The following HFM1 variants were observed in gnomAD, a reference collection of about 807,000 sequenced individuals.
HFM1 encodes probable ATP-dependent DNA helicase HFM1.
A neutral mutation model predicts 192.1 loss-of-function variants in HFM1; 169 were observed. The observed-to-expected ratio is 0.88, with a 90% CI of 0.78 to 1.00. The LOEUF is 1.00. HFM1 is among the 50% of genes least tolerant of loss of function. HFM1 has a pLI of 0.00. For synonymous variants in HFM1, 525 were observed against 537.8 expected (o/e 0.98, Z 0.33); for missense variants, 1,661 against 1,668.0 (o/e 1.00, Z 0.07).
chr1:91,405,212 G>C (rs571027117), upstream of HFM1, among the ~76,000 whole-genome samples: 1 of 152,274 alleles, frequency 6.6e-6, no homozygotes, highest in South Asian at 2.1e-4. Flanking sequence ...TGGCACTCAT[G>C]AGGTCGGTAT....
At chr1:91,324,877 A>C (rs1652654762) in intron 20 of HFM1, 111 bp from the exon 21 acceptor site, 3 of 690,254 alleles carry the variant, frequency 4.3e-6, no homozygotes, top group Admixed American at 2.6e-5. Context: ...GTAGAACAGA[A>C]GCCTAGACCA....
At chr1:91,277,613 C>CTAATATATATAATATATACTATATATAA (rs1666969029) in intron 30 of HFM1, among the ~76,000 whole-genome samples, 1 of 51,428 alleles carries the variant, frequency 1.9e-5, no homozygotes, top group African/African-American at 1.2e-4. Flanking sequence ...TATATATATA[C>CTAATATATATAATATATACTATATATAA]TATATACTAA....
intron 25 of HFM1, among the ~76,000 whole-genome samples, chr1:91,318,654 A>T (rs947801961): frequency 2.0e-5 from 3 of 152,196 alleles, no homozygotes; most frequent in Non-Finnish European, 4.4e-5. Context: ...ACAAAAAAAA[A>T]ATTAAGACAT....
rs545741813 is a variant in HFM1, at chr1:91,316,633, T to C, written c.2813-157A>G. On this transcript the variant is annotated intron_variant, in intron 25 of 38. Transcript: ENST00000370425. ...TTGTAAAAAGTTTTCAGTTGGATTA[T>C]TGGGTTTGTGACATTATTCAATTAT... is the stretch of plus-strand genomic sequence containing the variant. Among the ~76,000 whole-genome samples the C allele has an allele frequency of 2.0e-4, 30 of 152,266 alleles. No individual in the cohort carries two copies. The East Asian group carries it at 3.5e-3, about 18-fold the overall frequency.
rs1381126369 is a variant in HFM1, at chr1:91,394,332, T to C, written c.255A>G (p.Ser85=). Reference sequence around the variant, plus strand: ...AGGCAAACTGGAATTTTTGTGTTAGTGAAATATAATTTGTATCTTCATTAG... The same window carrying C: ...AGGCAAACTGGAATTTTTGTGTTAGCGAAATATAATTTGTATCTTCATTAG... ...KITNEDTNYI[S]LTQKFQFAFP... Residue 85 remains serine, a synonymous_variant, in exon 4 of 39, where the codon TCA becomes TCG. Transcript: ENST00000370425. The C allele has an allele frequency of 1.3e-6, 2 of 1,582,326 alleles. No individual in the cohort carries two copies. Among genetic ancestry groups the C allele is most frequent in the South Asian group, 2.2e-5 (2 of 90,006 alleles).
chr1:91,288,075 T>C (rs1395937007), intron 30 of HFM1, among the ~76,000 whole-genome samples: 8 of 151,594 alleles, frequency 5.3e-5, no homozygotes, highest in Non-Finnish European at 1.2e-4. Context: ...TGGAACCAAG[T>C]TGGAAAACAC....
chr1:91,262,908 T>G (rs1402361954), intron 36 of HFM1, among the ~76,000 whole-genome samples: 1 of 152,202 alleles, frequency 6.6e-6, no homozygotes, highest in East Asian at 1.9e-4. Context: ...TTTTCTAAAT[T>G]CCACTTGCTT....
chr1:91,350,852 C>A lies in HFM1; in HGVS notation c.2092G>T (p.Glu698Ter), dbSNP rs1242258064. ...AGTACTATCTCTGCATTTAAATGTT[C>A]AATAAGATGTCTGTGCAAACTAATG... ...VESSLHRHLI[E>*]HLNAEIVLHT... is the part of the protein sequence containing the mutation. The change falls in exon 18 of 39, where the codon GAA becomes TAA. Residue 698 changes from glutamate (E) to a stop codon, truncating the protein, a stop_gained. Transcript: ENST00000370425. LOFTEE classifies it high-confidence loss of function. 1.9e-6 allele frequency: 3 copies of A among 1,585,300 alleles called. No homozygotes were observed. The South Asian group carries it at 3.4e-5, about 18-fold the overall frequency.
intron 20 of HFM1, among the ~76,000 whole-genome samples, chr1:91,330,941 T>A (rs1314556698): frequency 1.3e-5 from 2 of 152,108 alleles, no homozygotes; most frequent in Non-Finnish European, 2.9e-5. Context: ...AAATTCAACA[T>A]CCATTCATGA....
chr1:91,315,999 T>C, intron 27 of HFM1, 27 bp from the exon 28 acceptor site: 3 of 1,549,684 alleles, frequency 1.9e-6, no homozygotes, highest in Non-Finnish European at 2.7e-6. Flanking sequence ...GTATAAAAAG[T>C]GTTAAAAATA....
chr1:91,368,785 T>C (rs918285523), intron 13 of HFM1, among the ~76,000 whole-genome samples: 2 of 152,128 alleles, frequency 1.3e-5, no homozygotes, highest in Non-Finnish European at 2.9e-5. Flanking sequence ...AATGCTCCAA[T>C]TAAAAGACAC....
intron 4 of HFM1, among the ~76,000 whole-genome samples, chr1:91,390,524 C>T (rs191998715): frequency 2.5e-3 from 377 of 151,676 alleles, no homozygotes; most frequent in Non-Finnish European, 4.5e-3. Flanking sequence ...CATAACACAA[C>T]ATGCATGAAC....
Position 91,313,457 on chromosome 1 carries a change from A to C in HFM1, c.3283T>G (p.Leu1095Val). 6.3e-7 allele frequency: 1 copy of C among 1,598,726 alleles called. No individual in the cohort carries two copies. Among genetic ancestry groups the C allele is most frequent in the Non-Finnish European group, 8.5e-7 (1 of 1,172,302 alleles). ...DIQQKLTVFY[L>V]EPKRFGNQIT... ...TGATTTCCAAACCTCTTGGGTTCTA[A>C]GTAAAAGACTGTAAGTTTCTGCTGA... Residue 1095 changes from leucine (L) to valine (V), a missense_variant, in exon 30 of 39, where the codon TTA becomes GTA. Coordinates refer to ENST00000370425, the MANE Select transcript of HFM1 (RefSeq NM_001017975.6).
chr1:91,342,834 A>G (rs1655546359), intron 20 of HFM1, among the ~76,000 whole-genome samples: 1 of 152,218 alleles, frequency 6.6e-6, no homozygotes, highest in Non-Finnish European at 1.5e-5. Context: ...GCATACCAAT[A>G]AAAGTATATC....
intron 30 of HFM1, among the ~76,000 whole-genome samples, chr1:91,288,530 T>A (rs1668302307): frequency 6.6e-6 from 1 of 151,930 alleles, no homozygotes; most frequent in Non-Finnish European, 1.5e-5. Context: ...CCTGCTGCCT[T>A]CCCTAGTGTT....
At chr1:91,403,238 A>G (rs533642785) in intron 1 of HFM1, among the ~76,000 whole-genome samples, 170 of 152,338 alleles carry the variant, frequency 1.1e-3, no homozygotes, top group Non-Finnish European at 1.8e-3. Flanking sequence ...CCTGGCACAC[A>G]GTAAATGGTC....
At chr1:91,373,894 G>A (rs1429448533) in intron 13 of HFM1, among the ~76,000 whole-genome samples, 1 of 151,946 alleles carries the variant, frequency 6.6e-6, no homozygotes, top group Non-Finnish European at 1.5e-5. Flanking sequence ...TGGTAAGCAG[G>A]ATGAACATGA....
Position 91,367,138 on chromosome 1 carries a change from G to A in HFM1, c.1685+8220C>T, listed in dbSNP as rs963581006. On this transcript the variant is annotated intron_variant, in intron 13 of 38. Transcript: ENST00000370425. The stretch of plus-strand genomic sequence containing the variant: ...CTCGAACTGGGTGGAGCGCACCGCA[G>A]CTCAAGGAGGGCTCCCTGCCTCTGT... Among the ~76,000 whole-genome samples the A allele has an allele frequency of 8.3e-4, 127 of 152,322 alleles. 1 individual carries two copies. The highest frequency in any genetic ancestry group is 2.9e-3 in the African/African-American group (122 of 41,580).
At chr1:91,290,213 A>C (rs1261883970) in intron 30 of HFM1, among the ~76,000 whole-genome samples, 1 of 152,232 alleles carries the variant, frequency 6.6e-6, no homozygotes, top group African/African-American at 2.4e-5. Context: ...TTAACTTTAA[A>C]TGTACATGGA....
Sources: gnomAD v4.1 joint callset for allele counts (sites outside exome capture counted in the v4.1 genomes callset) on GRCh38, gnomAD v4.1.1 for gene constraint, MANE v1.5 for transcripts, NCBI Gene and HGNC (gene_info 2026-07-23, HGNC 2026-07-21) for gene names.